The following GALNT17 variants were observed in gnomAD, a reference collection of about 807,000 sequenced individuals.
GALNT17 encodes UDP-GalNAc:polypeptide N-acetylgalactosaminyltransferase-like 3.
Under a neutral mutation model 63.7 loss-of-function variants are expected in GALNT17, and 29 were observed. The observed-to-expected ratio is 0.46, with a 90% CI of 0.34 to 0.62. GALNT17 has a LOEUF of 0.62. Among genes scored for constraint, GALNT17 ranks in the 20% least tolerant of loss-of-function variants. GALNT17 has a pLI of 0.01. For synonymous variants in GALNT17, 305 were observed against 318.3 expected (o/e 0.96, Z 0.45); for missense variants, 603 against 799.6 (o/e 0.75, Z 2.97).
At chr7:71,315,821 C>G (rs1398207512) in intron 1 of GALNT17, among the ~76,000 whole-genome samples, 1 of 152,082 alleles carries the variant, frequency 6.6e-6, no homozygotes, top group Non-Finnish European at 1.5e-5. Context: ...TCCACAGACT[C>G]TGACCATCAA....
intron 1 of GALNT17, among the ~76,000 whole-genome samples, chr7:71,177,163 C>A (rs1035715583): frequency 1.3e-5 from 2 of 152,056 alleles, no homozygotes; most frequent in Admixed American, 6.5e-5. Flanking sequence ...CTCATATGTT[C>A]GAGGACATTT....
chr7:71,625,928 A>G (rs539679060), intron 6 of GALNT17, among the ~76,000 whole-genome samples: 1 of 152,276 alleles, frequency 6.6e-6, no homozygotes, highest in East Asian at 1.9e-4. Flanking sequence ...ACTCTGATCC[A>G]ATATGACTGG....
intron 1 of GALNT17, among the ~76,000 whole-genome samples, chr7:71,154,144 A>G (rs905897974): frequency 6.6e-6 from 1 of 152,086 alleles, no homozygotes; most frequent in African/African-American, 2.4e-5. Context: ...CTTCAGGGAC[A>G]TGGATCTTTG....
At chr7:71,176,444 A>G (rs1788640395) in intron 1 of GALNT17, among the ~76,000 whole-genome samples, 1 of 151,972 alleles carries the variant, frequency 6.6e-6, no homozygotes, top group Non-Finnish European at 1.5e-5. Flanking sequence ...CTGACCTGAC[A>G]CTCAGTTTGG....
chr7:71,340,717 A>T (rs1282633606), intron 2 of GALNT17, among the ~76,000 whole-genome samples: 1 of 152,162 alleles, frequency 6.6e-6, no homozygotes, highest in Non-Finnish European at 1.5e-5. Context: ...TTTATAAACC[A>T]AGAGCAAATA....
intron 1 of GALNT17, among the ~76,000 whole-genome samples, chr7:71,313,661 T>G (rs147601812): frequency 1.3e-5 from 2 of 152,336 alleles, no homozygotes; most frequent in Non-Finnish European, 2.9e-5. Flanking sequence ...CATAGCTCAG[T>G]AAAAGCTCAT....
chr7:71,439,796 A>G (rs1454873028), intron 5 of GALNT17, among the ~76,000 whole-genome samples: 1 of 152,092 alleles, frequency 6.6e-6, no homozygotes, highest in Non-Finnish European at 1.5e-5. Flanking sequence ...ATCTGTGGGG[A>G]GAGAGTAATA....
At chr7:71,205,581 C>T (rs774336229) in intron 1 of GALNT17, among the ~76,000 whole-genome samples, 11 of 152,064 alleles carry the variant, frequency 7.2e-5, no homozygotes, top group Non-Finnish European at 1.2e-4. Flanking sequence ...CTCCACCACA[C>T]GCTTGACTAA....
intron 5 of GALNT17, among the ~76,000 whole-genome samples, chr7:71,490,287 C>G (rs759115766): frequency 1.3e-5 from 2 of 151,390 alleles, no homozygotes; most frequent in Non-Finnish European, 2.9e-5. Flanking sequence ...TGATCTGGAA[C>G]AGTACTCATG....
intron 2 of GALNT17, among the ~76,000 whole-genome samples, chr7:71,339,620 G>A (rs1001932665): frequency 1.3e-5 from 2 of 152,032 alleles, no homozygotes; most frequent in Non-Finnish European, 2.9e-5. Flanking sequence ...AAACTGTTAG[G>A]TGGAGGTTGC....
At chr7:71,313,169 A>C (rs750026817) in intron 1 of GALNT17, among the ~76,000 whole-genome samples, 2 of 152,184 alleles carry the variant, frequency 1.3e-5, no homozygotes, top group Non-Finnish European at 2.9e-5. Flanking sequence ...GTATTTTTCC[A>C]CTTGTTGAAC....
intron 6 of GALNT17, among the ~76,000 whole-genome samples, chr7:71,572,918 C>A (rs1221555860): frequency 6.6e-6 from 1 of 152,138 alleles, no homozygotes; most frequent in Non-Finnish European, 1.5e-5. Context: ...CAGCACAGTC[C>A]TGTCCACCAA....
At chr7:71,624,351 T>C (rs544567791) in intron 6 of GALNT17, among the ~76,000 whole-genome samples, 1 of 152,124 alleles carries the variant, frequency 6.6e-6, no homozygotes, top group Non-Finnish European at 1.5e-5. Context: ...CAGAAGAGCA[T>C]AACCAAGGGA....
intron 3 of GALNT17, among the ~76,000 whole-genome samples, chr7:71,410,680 G>A (rs558980844): frequency 7.9e-5 from 12 of 152,360 alleles, no homozygotes; most frequent in Non-Finnish European, 1.8e-4. Context: ...GCGGGATTGA[G>A]ACAGAATTCT....
chr7:71,178,347 A>G (rs533506768), intron 1 of GALNT17, among the ~76,000 whole-genome samples: 82 of 152,096 alleles, frequency 5.4e-4, no homozygotes, highest in African/African-American at 1.9e-3. Flanking sequence ...TTAACTTTGT[A>G]TTTTAGCAGT....
chr7:71,569,509 T>C (rs1789402531), intron 5 of GALNT17, among the ~76,000 whole-genome samples: 1 of 152,154 alleles, frequency 6.6e-6, no homozygotes, highest in Admixed American at 6.5e-5. Context: ...AACTCTCACT[T>C]ACAAGTGAGA....
At chr7:71,167,655 C>T (rs898546107) in intron 1 of GALNT17, among the ~76,000 whole-genome samples, 8 of 152,036 alleles carry the variant, frequency 5.3e-5, no homozygotes, top group Admixed American at 3.9e-4. Flanking sequence ...CTGTCTAAAA[C>T]GCCTTGTCAT....
intron 3 of GALNT17, among the ~76,000 whole-genome samples, chr7:71,408,902 G>A (rs2960884): frequency 0.77 from 112,608 of 146,840 alleles, 43,505 homozygotes; most frequent in African/African-American, 0.83. Context: ...GTGTGTGTGT[G>A]TGTATGTATG....
intron 1 of GALNT17, among the ~76,000 whole-genome samples, chr7:71,279,988 A>G (rs1157850733): frequency 1.3e-5 from 2 of 152,152 alleles, no homozygotes; most frequent in South Asian, 2.1e-4. Context: ...TGGATAGTTC[A>G]TATTTTCTCT....
Sources: allele counts gnomAD v4.1 joint callset (sites outside exome capture counted in the v4.1 genomes callset), GRCh38; gene constraint gnomAD v4.1.1; transcripts MANE v1.5; gene names NCBI Gene and HGNC (gene_info 2026-07-23, HGNC 2026-07-21).